RASA3: variants seen among roughly 807,000 people sequenced by gnomAD.
RASA3 encodes the protein RAS p21 protein activator 3.
Under a neutral mutation model 110.0 loss-of-function variants are expected in RASA3, and 73 were observed. That is an observed-to-expected ratio of 0.66 (90% CI 0.55 to 0.81). The LOEUF is 0.81. Among genes scored for constraint, RASA3 ranks in the 30% least tolerant of loss-of-function variants. RASA3 has a pLI of 0.00. For synonymous variants in RASA3, 500 were observed against 451.4 expected, an observed-to-expected ratio of 1.11 and a Z score of -1.37; for missense variants, 976 against 1,113.2, an observed-to-expected ratio of 0.88 and a Z score of 1.75.
intron 2 of RASA3, among the ~76,000 whole-genome samples, chr13:114,071,242 C>T (rs567640311): frequency 6.6e-6 from 1 of 152,334 alleles, no homozygotes; most frequent in African/African-American, 2.4e-5. Context: ...CTCAGCCTCC[C>T]AAAGTGCTGG....
At position 113,977,846 on chromosome 13, in the gene RASA3, T is replaced by C. The variant is rs1192698327; in HGVS notation, c.*1501A>G. 3 of 152,486 alleles carry C rather than the reference T, an allele frequency of 2.0e-5. No individual in the cohort carries two copies. The highest frequency in any genetic ancestry group is 4.4e-5 in the Non-Finnish European group (3 of 68,056). 9.4% of individuals were successfully genotyped at this position (152,486 alleles called of 1,614,324 possible). A position where few individuals can be genotyped will look rare whatever the true frequency, so the allele number is the denominator to read the frequency against. ...AATACATTGCAAATCATTAGTATTT[T>C]ATAAACAGAAACATTAAGTTATAAA... On this transcript the variant is annotated 3_prime_UTR_variant, in exon 24 of 24. Transcript: ENST00000334062.
chr13:114,062,938 G>A (rs1227640034), intron 2 of RASA3, among the ~76,000 whole-genome samples: 6 of 152,200 alleles, frequency 3.9e-5, no homozygotes, highest in Non-Finnish European at 8.8e-5. Context: ...CCACTGACAC[G>A]AAATGCCCAA....
intron 2 of RASA3, among the ~76,000 whole-genome samples, chr13:114,055,720 C>T (rs1319712670): frequency 2.0e-5 from 3 of 152,194 alleles, no homozygotes; most frequent in African/African-American, 4.8e-5. Flanking sequence ...GCAGCCTGGA[C>T]TTGGCGTTTC....
intron 1 of RASA3, among the ~76,000 whole-genome samples, chr13:114,124,822 G>A (rs866632992): frequency 6.6e-6 from 1 of 152,208 alleles, no homozygotes; most frequent in African/African-American, 2.4e-5. Flanking sequence ...CTCCACAGCC[G>A]ACACTGTTCT....
intron 4 of RASA3, among the ~76,000 whole-genome samples, chr13:114,040,686 C>G (rs942639142): frequency 6.8e-6 from 1 of 148,008 alleles, no homozygotes; most frequent in Admixed American, 6.8e-5. Context: ...CAGGCAAACA[C>G]GCACAACCCA....
rs768091971 is a variant in RASA3, at chr13:114,054,842, C to CGTTG, written c.174-2691_174-2688dup. On this transcript the variant is annotated intron_variant, in intron 2 of 23. Transcript: ENST00000334062. ...CACGTTTCCTTTAAACACATTCTCGCGTTGGTCGTTGACGCAGCGAGCCAT... is the reference window on the plus strand; with the variant it reads ...CACGTTTCCTTTAAACACATTCTCGCGTTGGTTGGTCGTTGACGCAGCGAGCCAT... 4.6e-5 allele frequency among the ~76,000 whole-genome samples: 7 copies of CGTTG among 152,374 alleles called. 1 individual carries two copies.
chr13:114,001,471 A>G (rs2053398041), intron 18 of RASA3, among the ~76,000 whole-genome samples: 1 of 123,200 alleles, frequency 8.1e-6, no homozygotes, highest in African/African-American at 2.8e-5. Context: ...ACACTCACGC[A>G]ACATGGAGGA....
At position 113,997,444 on chromosome 13, in the gene RASA3, G is replaced by A. The variant is rs921747270; in HGVS notation, c.1933-705C>T. On this transcript the variant is annotated intron_variant, in intron 20 of 23. Coordinates refer to ENST00000334062, the MANE Select transcript of RASA3 (RefSeq NM_007368.4). ...GAGCAGTCCTGGTGCTGTAGTCGGC[G>A]TTGACTCAAAGTTAGTTAAGCAGGG... Among the ~76,000 whole-genome samples, 4 of 151,994 alleles carry A rather than the reference G, an allele frequency of 2.6e-5. No homozygotes were observed. In the South Asian group the frequency reaches 6.3e-4, roughly 24 times the overall value.
In RASA3 at chr13:114,007,547, G is replaced by T; in HGVS notation, c.1728C>A (p.Ile576=). The change falls in exon 18 of 24, where the codon ATC becomes ATA. Residue 576 remains isoleucine, a synonymous_variant. Coordinates refer to ENST00000334062, the MANE Select transcript of RASA3 (RefSeq NM_007368.4). ...ACCCTCCTTACCCTTCTTTAAGCAC[G>T]ATGGGCTGCTCAACACTCTTGGGGT... The part of the protein sequence containing the change: ...RRDPKSVEQP[I]VLKEGFMIKR... 2 of 1,613,038 alleles carry T rather than the reference G, an allele frequency of 1.2e-6. No homozygotes were observed. The highest frequency in any genetic ancestry group is 1.7e-6 in the Non-Finnish European group (2 of 1,179,492).
intron 8 of RASA3, among the ~76,000 whole-genome samples, chr13:114,023,128 C>T (rs2053960050): frequency 6.6e-6 from 1 of 152,244 alleles, no homozygotes; most frequent in Admixed American, 6.5e-5. Flanking sequence ...AAGGGTCCCC[C>T]CAGGGCAGTG....
intron 18 of RASA3, among the ~76,000 whole-genome samples, chr13:114,001,235 C>T (rs368877742): frequency 3.9e-5 from 6 of 152,342 alleles, no homozygotes; most frequent in African/African-American, 1.2e-4. Flanking sequence ...AATGCCAATG[C>T]GATGCTCCCA....
Position 113,993,825 on chromosome 13 carries a change from A to G in RASA3, c.2142-1237T>C, listed in dbSNP as rs545082459. Among the ~76,000 whole-genome samples the G allele has an allele frequency of 1.4e-4, 21 of 147,496 alleles. No individual in the cohort carries two copies. In the South Asian group the frequency reaches 3.3e-3, roughly 23 times the overall value. ...TCTGCCTAAAAAAAAAAAAAAAAAA[A>G]AAAAAAGAAAAGAAAAGAAAATCTA... On this transcript the variant is annotated intron_variant, in intron 21 of 23. Transcript: ENST00000334062.
intron 3 of RASA3, among the ~76,000 whole-genome samples, chr13:114,049,915 G>GC (rs1220539647): frequency 1.3e-5 from 2 of 152,254 alleles, no homozygotes; most frequent in African/African-American, 2.4e-5. Context: ...ACGGAGGGCA[G>GC]CCCACCCATG....
chr13:114,076,897 GTGACC>G (rs2079694284), intron 1 of RASA3, among the ~76,000 whole-genome samples: 1 of 152,180 alleles, frequency 6.6e-6, no homozygotes, highest in African/African-American at 2.4e-5. Flanking sequence ...CCTTTACAGT[GTGACC>G]TGACGCTGAC....
intron 1 of RASA3, among the ~76,000 whole-genome samples, chr13:114,103,255 G>A (rs1017428930): frequency 6.6e-6 from 1 of 152,134 alleles, no homozygotes; most frequent in Non-Finnish European, 1.5e-5. Context: ...CCCAAGTCGG[G>A]AGAGATGCCC....
At chr13:114,046,930 C>T (rs1452927534) in intron 3 of RASA3, among the ~76,000 whole-genome samples, 2 of 152,188 alleles carry the variant, frequency 1.3e-5, no homozygotes, top group Non-Finnish European at 2.9e-5. Flanking sequence ...TGAAAATTAG[C>T]TTGAAACAGA....
At chr13:114,080,682 C>T (rs1214408637) in intron 1 of RASA3, among the ~76,000 whole-genome samples, 1 of 151,868 alleles carries the variant, frequency 6.6e-6, no homozygotes, top group Non-Finnish European at 1.5e-5. Context: ...ACAGGGGTCT[C>T]CCCCAGGGGC....
At chr13:114,090,717 T>A (rs4883648) in intron 1 of RASA3, among the ~76,000 whole-genome samples, 6 of 152,142 alleles carry the variant, frequency 3.9e-5, no homozygotes, top group African/African-American at 7.2e-5. Flanking sequence ...TGCAGCAGGC[T>A]CAGGCAGTGA....
chr13:114,075,277 T>C (rs994775623), intron 1 of RASA3, among the ~76,000 whole-genome samples: 8 of 152,148 alleles, frequency 5.3e-5, no homozygotes, highest in African/African-American at 1.9e-4. Flanking sequence ...ACGTCATGGC[T>C]CACATGGGGC....
Sources: allele counts gnomAD v4.1 joint callset (sites outside exome capture counted in the v4.1 genomes callset), GRCh38; gene constraint gnomAD v4.1.1; transcripts MANE v1.5; gene names NCBI Gene and HGNC (gene_info 2026-07-23, HGNC 2026-07-21).